Variants in PVT1 observed in about 807,000 individuals in gnomAD.
The protein encoded by PVT1 is CXCR4/PVT1 fusion.
At chr8:127,919,531 G>T (rs1816031867) in intron 3 of PVT1, among the ~76,000 whole-genome samples, 1 of 152,126 alleles carries the variant, frequency 6.6e-6, no homozygotes, top group African/African-American at 2.4e-5. Context: ...GTCTGAGTGG[G>T]GTCTGCCCCC....
chr8:127,868,810 T>TATATATACGTATATATATGTATATAC (rs1815320567), intron 2 of PVT1, among the ~76,000 whole-genome samples: 1 of 36,620 alleles, frequency 2.7e-5, no homozygotes, highest in Non-Finnish European at 1.1e-4. Context: ...TATGTACATA[T>TATATATACGTATATATATGTATATAC]ATATATATAT....
chr8:127,969,641 A>G (rs1325628277), intron 3 of PVT1, among the ~76,000 whole-genome samples: 1 of 152,110 alleles, frequency 6.6e-6, no homozygotes, highest in Non-Finnish European at 1.5e-5. Flanking sequence ...CTGAGTACTC[A>G]CTGTGTTCCA....
At chr8:127,972,123 A>G (rs1467909439) in intron 3 of PVT1, among the ~76,000 whole-genome samples, 3 of 152,204 alleles carry the variant, frequency 2.0e-5, no homozygotes, top group Non-Finnish European at 4.4e-5. Flanking sequence ...GCTGCACTCC[A>G]GTGTTGGGAT....
chr8:128,082,185 C>T (rs1423632727), intron 5 of PVT1, among the ~76,000 whole-genome samples: 6 of 152,212 alleles, frequency 3.9e-5, no homozygotes, highest in Non-Finnish European at 7.3e-5. Flanking sequence ...TCATTTTACA[C>T]TCATAGCTGC....
chr8:127,997,109 C>A (rs1317170142), intron 4 of PVT1, among the ~76,000 whole-genome samples: 1 of 129,620 alleles, frequency 7.7e-6, no homozygotes, highest in Non-Finnish European at 1.6e-5. Flanking sequence ...GGGTGGAGTA[C>A]AATGGCGTGA....
intron 4 of PVT1, among the ~76,000 whole-genome samples, chr8:128,065,413 T>C (rs1027760117): frequency 6.6e-6 from 1 of 152,194 alleles, no homozygotes; most frequent in Admixed American, 6.5e-5. Flanking sequence ...CTTGAACTCC[T>C]GACTGCAAGT....
At chr8:127,895,313 A>G (rs1168848556) in intron 3 of PVT1, among the ~76,000 whole-genome samples, 1 of 152,144 alleles carries the variant, frequency 6.6e-6, no homozygotes, top group Non-Finnish European at 1.5e-5. Context: ...ACTACTAAAA[A>G]TAGAAAAATT....
intron 2 of PVT1, among the ~76,000 whole-genome samples, chr8:127,861,871 G>A (rs1239006833): frequency 6.6e-6 from 1 of 152,126 alleles, no homozygotes; most frequent in Non-Finnish European, 1.5e-5. Flanking sequence ...TCAGTCCTGC[G>A]GGGCTTTCAG....
At chr8:127,985,449 T>G (rs947106892) in intron 3 of PVT1, among the ~76,000 whole-genome samples, 1 of 151,842 alleles carries the variant, frequency 6.6e-6, no homozygotes, top group Non-Finnish European at 1.5e-5. Context: ...TTTTTTTTTT[T>G]TTAATCCTCG....
chr8:128,068,458 C>T (rs922191928), intron 4 of PVT1, among the ~76,000 whole-genome samples: 18 of 152,088 alleles, frequency 1.2e-4, no homozygotes, highest in African/African-American at 4.1e-4. Context: ...TAATGTACCT[C>T]CCCCATCAGG....
At chr8:127,834,020 T>C (rs1315460334) in intron 2 of PVT1, among the ~76,000 whole-genome samples, 1 of 152,118 alleles carries the variant, frequency 6.6e-6, no homozygotes, top group East Asian at 1.9e-4. Flanking sequence ...TTAAGCAAAG[T>C]CTTCCCATAG....
intron 3 of PVT1, among the ~76,000 whole-genome samples, chr8:127,961,519 G>T (rs1230629018): frequency 6.6e-6 from 1 of 152,200 alleles, no homozygotes; most frequent in Non-Finnish European, 1.5e-5. Context: ...GAGGGGCTGT[G>T]CCCCACCCCA....
At chr8:127,814,082 C>T (rs1440875476) in intron 2 of PVT1, among the ~76,000 whole-genome samples, 6 of 152,220 alleles carry the variant, frequency 3.9e-5, no homozygotes, top group South Asian at 2.1e-4. Context: ...CGCCCCCGGC[C>T]GCAGATGGGA....
At chr8:127,999,307 AAAAT>A (rs1817147810) in intron 4 of PVT1, 4 of 152,222 alleles carry the variant, frequency 2.6e-5, no homozygotes, top group South Asian at 2.1e-4. Context: ...AAAATTTTTA[AAAAT>A]AAATAAATAC....
chr8:128,060,570 A>G (rs1320812768), intron 4 of PVT1, among the ~76,000 whole-genome samples: 1 of 152,086 alleles, frequency 6.6e-6, no homozygotes, highest in African/African-American at 2.4e-5. Context: ...AAAGCAGACA[A>G]CTCCTCAACC....
At position 128,071,687 on chromosome 8, in the gene PVT1, A is replaced by AAAATAAATAAATAAATAAAT. The variant is rs57815252; in HGVS notation, n.1114+1342_1114+1361dup. On this transcript the variant is annotated intron_variant and non_coding_transcript_variant, in intron 5 of 10. Coordinates refer to ENST00000651587, the Ensembl canonical transcript of PVT1. ...GAGACAGATTTGAGACTCTGTCTCT[A>AAAATAAATAAATAAATAAAT]AAATAAATAAATAAATAAATAAATA... 4.9e-3 allele frequency among the ~76,000 whole-genome samples: 682 copies of AAAATAAATAAATAAATAAAT among 139,840 alleles called. 4 individuals carry two copies. Among genetic ancestry groups the AAAATAAATAAATAAATAAAT allele is most frequent in the East Asian group, 9.1e-3 (43 of 4,738 alleles). The allele number at this position is 139,840 out of a possible 152,430, so 91.7% of individuals were successfully genotyped here. A position where few individuals can be genotyped will look rare whatever the true frequency, so the allele number is the denominator to read the frequency against.
intron 3 of PVT1, among the ~76,000 whole-genome samples, chr8:127,956,129 G>GAA (rs1816566210): frequency 6.6e-6 from 1 of 152,242 alleles, no homozygotes; most frequent in South Asian, 2.1e-4. Context: ...TGGAGTGTGA[G>GAA]AAGGGCATCT....
intron 5 of PVT1, among the ~76,000 whole-genome samples, chr8:128,084,712 T>C (rs1814235168): frequency 1.3e-5 from 2 of 152,222 alleles, no homozygotes; most frequent in African/African-American, 4.8e-5. Context: ...ATGTTTCTTA[T>C]GAGCCTGCTC....
intron 3 of PVT1, among the ~76,000 whole-genome samples, chr8:127,925,111 A>G (rs1322614669): frequency 6.6e-6 from 1 of 152,282 alleles, no homozygotes; most frequent in Admixed American, 6.5e-5. Context: ...TTGTACTACA[A>G]ATATACCTAT....
Sources: allele counts gnomAD v4.1 joint callset (sites outside exome capture counted in the v4.1 genomes callset), GRCh38; gene constraint gnomAD v4.1.1; transcripts MANE v1.5; gene names NCBI Gene and HGNC (gene_info 2026-07-23, HGNC 2026-07-21).